Variants in ENPP2 observed in about 807,000 individuals in gnomAD.
The protein encoded by ENPP2 is autotaxin.
In ENPP2, 51 loss-of-function variants were observed where a neutral mutation model predicts 120.2. That is an observed-to-expected ratio of 0.42 (90% CI 0.34 to 0.54). ENPP2 has a LOEUF of 0.54. Among genes scored for constraint, ENPP2 ranks in the 20% least tolerant of loss-of-function variants. The pLI is 0.04. For synonymous variants in ENPP2, 365 were observed against 366.4 expected, an observed-to-expected ratio of 1.00 and a Z score of 0.04; for missense variants, 920 against 1,066.5, an observed-to-expected ratio of 0.86 and a Z score of 1.91.
At chr8:119,589,423 T>G (rs1468037322) in intron 13 of ENPP2, among the ~76,000 whole-genome samples, 1 of 152,204 alleles carries the variant, frequency 6.6e-6, no homozygotes, top group Non-Finnish European at 1.5e-5. Context: ...GAAGGTTTTT[T>G]TTTCTCCTCC....
At chr8:119,672,798 A>G (rs1228619166) in intron 1 of ENPP2, among the ~76,000 whole-genome samples, 3 of 152,178 alleles carry the variant, frequency 2.0e-5, no homozygotes, top group Non-Finnish European at 4.4e-5. Flanking sequence ...GGGAGTTCAG[A>G]GGACTTTACT....
chr8:119,659,787 A>T (rs1171904077), intron 1 of ENPP2, among the ~76,000 whole-genome samples: 1 of 152,206 alleles, frequency 6.6e-6, no homozygotes, highest in African/African-American at 2.4e-5. Flanking sequence ...CAAATTATAG[A>T]TGGAGGTGTT....
chr8:119,565,886 A>G (rs1439801155), intron 22 of ENPP2, among the ~76,000 whole-genome samples: 2 of 152,032 alleles, frequency 1.3e-5, no homozygotes, highest in African/African-American at 2.4e-5. Flanking sequence ...ACATGCACAC[A>G]CACACACACA....
intron 8 of ENPP2, among the ~76,000 whole-genome samples, chr8:119,609,991 T>A (rs1385825125): frequency 6.6e-6 from 1 of 152,122 alleles, no homozygotes. Context: ...AACTCAGTAA[T>A]CCTTAGGGAA....
At position 119,610,767 on chromosome 8, in the gene ENPP2, G is replaced by A. The variant is rs549437067; in HGVS notation, c.778-2790C>T. On this transcript the variant is annotated intron_variant, in intron 8 of 24. Transcript: ENST00000075322. ...AGATACAAAAAACCAGCCAGGAGTC[G>A]TGATAGGCACCTGTAATCCCAGCTA... Among the ~76,000 whole-genome samples the A allele has an allele frequency of 1.5e-4, 23 of 152,106 alleles. No individual in the cohort carries two copies. The East Asian group carries it at 1.9e-3, about 13-fold the overall frequency.
intron 13 of ENPP2, among the ~76,000 whole-genome samples, chr8:119,589,496 T>C (rs1376294237): frequency 6.6e-6 from 1 of 152,166 alleles, no homozygotes; most frequent in African/African-American, 2.4e-5. Context: ...AGAAAATCTT[T>C]TTTGCATAGC....
At chr8:119,604,012 CT>C (rs35136821) in intron 9 of ENPP2, among the ~76,000 whole-genome samples, 3,781 of 136,286 alleles carry the variant, frequency 0.028, 57 homozygotes, top group Non-Finnish European at 0.041. Flanking sequence ...CAATCTCTCT[CT>C]TTTTTTTTTT....
chr8:119,624,760 T>C (rs977919040), intron 3 of ENPP2, among the ~76,000 whole-genome samples: 3 of 152,194 alleles, frequency 2.0e-5, no homozygotes, highest in Non-Finnish European at 2.9e-5. Context: ...TGGAAGAGTA[T>C]ACATGCACAC....
intron 1 of ENPP2, among the ~76,000 whole-genome samples, chr8:119,644,625 T>TATATATACACAC (rs1327738777): frequency 1.6e-4 from 12 of 74,308 alleles, no homozygotes; most frequent in African/African-American, 4.9e-4. Context: ...TATATATATA[T>TATATATACACAC]ACACACACAC....
At chr8:119,557,822 C>A in intron 24 of ENPP2, 131 bp from the exon 25 acceptor site, 1 of 622,786 alleles carries the variant, frequency 1.6e-6, no homozygotes, top group East Asian at 3.2e-5. Context: ...GTTGATCCTT[C>A]CTGGCCTCCC....
At chr8:119,597,068 C>T (rs1813947433) in intron 11 of ENPP2, among the ~76,000 whole-genome samples, 1 of 152,026 alleles carries the variant, frequency 6.6e-6, no homozygotes, top group Non-Finnish European at 1.5e-5. Flanking sequence ...TTAGTGTATC[C>T]AAGAAGGGGA....
At chr8:119,604,139 T>C (rs1269086336) in intron 9 of ENPP2, among the ~76,000 whole-genome samples, 1 of 151,836 alleles carries the variant, frequency 6.6e-6, no homozygotes, top group African/African-American at 2.4e-5. Flanking sequence ...GCTATTCTCC[T>C]GCCTCAGCCT....
At chr8:119,614,851 A>T (rs1815352290) in intron 8 of ENPP2, among the ~76,000 whole-genome samples, 8 of 152,144 alleles carry the variant, frequency 5.3e-5, no homozygotes, top group Admixed American at 5.2e-4. Context: ...AACAAATTTC[A>T]CTATGATCAC....
At chr8:119,570,429 C>T (rs951098986) in intron 20 of ENPP2, among the ~76,000 whole-genome samples, 1 of 152,010 alleles carries the variant, frequency 6.6e-6, no homozygotes, top group African/African-American at 2.4e-5. Flanking sequence ...CAAACCTTGG[C>T]AGTTTCTGTA....
intron 2 of ENPP2, among the ~76,000 whole-genome samples, chr8:119,631,613 A>G (rs1402165138): frequency 6.6e-6 from 1 of 152,100 alleles, no homozygotes; most frequent in East Asian, 1.9e-4. Context: ...TGAGTGTACA[A>G]AAAAAATAAA....
intron 12 of ENPP2, 130 bp downstream of exon 12, chr8:119,593,622 C>G: frequency 1.6e-6 from 1 of 641,928 alleles, no homozygotes; most frequent in East Asian, 2.6e-5. Flanking sequence ...GATTTCTATC[C>G]CCATCTTAAA....
In ENPP2 at chr8:119,568,210, ACAAGGAATGC is replaced by A; in HGVS notation, c.2086_2095del (p.Ala696Ter). 1 of 1,598,756 alleles carries A rather than the reference ACAAGGAATGC, an allele frequency of 6.3e-7. No individual in the cohort carries two copies. Among genetic ancestry groups the A allele is most frequent in the Non-Finnish European group, 8.6e-7 (1 of 1,166,186 alleles). On this transcript the variant is annotated frameshift_variant, in exon 22 of 25. Coordinates refer to ENST00000075322, the MANE Select transcript of ENPP2 (RefSeq NM_001040092.3). LOFTEE classifies it high-confidence loss of function. The stretch of plus-strand genomic sequence containing the variant: ...AGGATACATTGGAACCATATTGGTT[ACAAGGAATGC>A]ATCATATTTAGCCTCTGGTGAAGAG...
intron 13 of ENPP2, among the ~76,000 whole-genome samples, chr8:119,588,894 G>A (rs895041174): frequency 6.6e-6 from 1 of 152,288 alleles, no homozygotes; most frequent in East Asian, 1.9e-4. Context: ...CTCATTTTGT[G>A]TGAAGAAAGG....
At chr8:119,641,605 T>G (rs892281800), upstream of ENPP2, among the ~76,000 whole-genome samples, 2 of 152,224 alleles carry the variant, frequency 1.3e-5, no homozygotes, top group African/African-American at 4.8e-5. Flanking sequence ...AACAAATATT[T>G]GTCAACAGTC....
Sources: allele counts gnomAD v4.1 joint callset (sites outside exome capture counted in the v4.1 genomes callset), GRCh38; gene constraint gnomAD v4.1.1; transcripts MANE v1.5; gene names NCBI Gene and HGNC (gene_info 2026-07-23, HGNC 2026-07-21).